The following PLS3 variants were observed in gnomAD, a reference collection of about 807,000 sequenced individuals.
The protein encoded by PLS3 is plastin 3.
A neutral mutation model predicts 46.5 loss-of-function variants in PLS3; 11 were observed. The ratio of observed to expected loss-of-function variants is 0.24; its 90% CI spans 0.15 to 0.39. The LOEUF (loss-of-function observed/expected upper bound fraction) is 0.39. Among genes scored for constraint, PLS3 ranks in the 10% least tolerant of loss-of-function variants. PLS3 has a pLI of 1.00. For synonymous variants in PLS3, 167 were observed against 162.2 expected (o/e 1.03, Z -0.22); for missense variants, 308 against 461.8 (o/e 0.67, Z 3.05).
At chrX:115,588,385 A>G (rs1056428243) in intron 1 of PLS3, among the ~76,000 whole-genome samples, 2 of 112,286 alleles carry the variant, frequency 1.8e-5, no homozygotes, top group Admixed American at 1.9e-4. Flanking sequence ...AGAAGCAGAT[A>G]TGAAAACCCA....
intron 4 of PLS3, among the ~76,000 whole-genome samples, chrX:115,629,620 T>A (rs968624011): frequency 8.9e-6 from 1 of 111,822 alleles, no homozygotes; most frequent in African/African-American, 3.2e-5. Flanking sequence ...GTAACTTTTC[T>A]GAGGACTGGT....
Position 115,610,278 on chromosome X carries a change from T to C in PLS3, c.28T>C (p.Ser10Pro). The change falls in exon 2 of 16, where the codon TCC becomes CCC. Residue 10 changes from serine to proline, a missense_variant. By Grantham distance (74) the Ser-to-Pro change is moderately conservative (BLOSUM62 -1). This residue lies in a region of PLS3 where 37 missense variants were observed against 26.1 expected (regional missense o/e 1.42). Transcript: ENST00000355899. ...GGATGAGATGGCTACCACTCAGATT[T>C]CCAAAGATGAGCTTGATGAACTCAA... MDEMATTQISKDELDELKEA... is the reference protein window; with the variant it reads MDEMATTQIPKDELDELKEA... 8.5e-7 allele frequency: 1 copy of C among 1,175,003 alleles called. No individual in the cohort carries two copies. The highest frequency in any genetic ancestry group is 2.0e-5 in the South Asian group (1 of 51,272).
chrX:115,583,350 G>T (rs2074289893), intron 1 of PLS3, among the ~76,000 whole-genome samples: 1 of 112,625 alleles, frequency 8.9e-6, no homozygotes, highest in Non-Finnish European at 1.9e-5. Context: ...CAATGAAATG[G>T]AATTAATTTG....
chrX:115,610,416 A>G, intron 2 of PLS3, 93 bp downstream of exon 2: 1 of 444,606 alleles, frequency 2.2e-6, no homozygotes, highest in Non-Finnish European at 3.9e-6. Flanking sequence ...GGTTAATCAA[A>G]AACATTAGGG....
chrX:115,625,725 C>T (rs1224061425), intron 3 of PLS3, among the ~76,000 whole-genome samples: 1 of 111,393 alleles, frequency 9.0e-6, no homozygotes, highest in African/African-American at 3.3e-5. Context: ...ACACTGGAAG[C>T]CAGTCAATTC....
At chrX:115,602,340 G>A (rs1020194446) in intron 1 of PLS3, among the ~76,000 whole-genome samples, 1 of 111,661 alleles carries the variant, frequency 9.0e-6, no homozygotes, top group Non-Finnish European at 1.9e-5. Context: ...ATAAATAAGT[G>A]GGTGAGTGTG....
At chrX:115,573,544 G>A (rs1016563396) in intron 1 of PLS3, among the ~76,000 whole-genome samples, 1 of 112,276 alleles carries the variant, frequency 8.9e-6, no homozygotes, top group Non-Finnish European at 1.9e-5. Context: ...GTATGCAGAA[G>A]TCCCCAAAAA....
Position 115,646,544 on chromosome X carries a change from C to T in PLS3, c.1511+9C>T, listed in dbSNP as rs1217936393. 5 of 1,203,285 alleles carry T rather than the reference C, an allele frequency of 4.2e-6. No homozygotes were observed. Among genetic ancestry groups the T allele is most frequent in the African/African-American group, 1.7e-5 (1 of 57,198 alleles). On this transcript the variant is annotated intron_variant, in intron 13 of 15. Transcript: ENST00000355899. The stretch of plus-strand genomic sequence containing the variant: ...TGGCAGCTGATGAGAAGGTATAGTA[C>T]ACAATTTTAGCTGTTTAGTCTTTAC...
intron 1 of PLS3, among the ~76,000 whole-genome samples, chrX:115,603,937 A>G (rs953727917): frequency 8.9e-5 from 10 of 112,201 alleles, no homozygotes; most frequent in Non-Finnish European, 1.7e-4. Context: ...TCTAGTACTC[A>G]TGAAAAAATT....
rs1556633102 is a variant in PLS3 at position 115,591,482 on chromosome X, C to T, written c.-8-18761C>T. Among the ~76,000 whole-genome samples, 7 of 111,646 alleles carry T rather than the reference C, an allele frequency of 6.3e-5. 1 individual carries two copies. Among genetic ancestry groups the T allele is most frequent in the Non-Finnish European group, 1.3e-4 (7 of 53,130 alleles). On this transcript the variant is annotated intron_variant, in intron 1 of 15. Coordinates refer to ENST00000355899, the MANE Select transcript of PLS3 (RefSeq NM_005032.7). Reference sequence around the variant, plus strand: ...AGCTGTCTTCTAAAATGAAGAATTACATATTTAAAACATTAATTTCCTCAA... The same window carrying T: ...AGCTGTCTTCTAAAATGAAGAATTATATATTTAAAACATTAATTTCCTCAA...
At chrX:115,634,819 A>C in intron 6 of PLS3, 62 bp from the exon 7 acceptor site, 1 of 1,023,222 alleles carries the variant, frequency 9.8e-7, no homozygotes, top group Non-Finnish European at 1.3e-6. Flanking sequence ...GTGAAGGGAG[A>C]AAGTAGACTG....
chrX:115,602,252 C>T (rs1424209773), intron 1 of PLS3, among the ~76,000 whole-genome samples: 1 of 111,902 alleles, frequency 8.9e-6, no homozygotes, highest in Non-Finnish European at 1.9e-5. Flanking sequence ...GATTTGGATC[C>T]TAATTGTCTC....
At chrX:115,630,897 T>C (rs1447806978) in intron 5 of PLS3, among the ~76,000 whole-genome samples, 6 of 96,043 alleles carry the variant, frequency 6.2e-5, no homozygotes, top group African/African-American at 1.5e-4. Context: ...GTATAATATA[T>C]GTATATTATA....
intron 7 of PLS3, among the ~76,000 whole-genome samples, chrX:115,636,117 C>A (rs1556640178): frequency 9.0e-6 from 1 of 110,836 alleles, no homozygotes; most frequent in African/African-American, 3.3e-5. Flanking sequence ...TACTTAAATA[C>A]AAATACCACC....
At chrX:115,633,050 T>C in intron 5 of PLS3, among the ~76,000 whole-genome samples, 1 of 110,425 alleles carries the variant, frequency 9.1e-6, no homozygotes, top group Admixed American at 9.7e-5. Flanking sequence ...AGTTTTGTTT[T>C]CAATATCCAA....
chrX:115,600,097 G>C (rs1556634375), intron 1 of PLS3, among the ~76,000 whole-genome samples: 2 of 110,381 alleles, frequency 1.8e-5, no homozygotes, highest in African/African-American at 6.6e-5. Context: ...TGGATATTGG[G>C]AATACTGGGA....
intron 1 of PLS3, among the ~76,000 whole-genome samples, chrX:115,608,933 C>T (rs1156680425): frequency 1.8e-5 from 2 of 109,489 alleles, no homozygotes; most frequent in African/African-American, 6.7e-5. Context: ...CCTAAAACTA[C>T]TCTAATAATA....
At chrX:115,573,740 G>T (rs1179172020) in intron 1 of PLS3, among the ~76,000 whole-genome samples, 1 of 111,300 alleles carries the variant, frequency 9.0e-6, no homozygotes, top group Admixed American at 9.6e-5. Context: ...GTATCGCTCT[G>T]TTGCCCAGAC....
intron 5 of PLS3, among the ~76,000 whole-genome samples, chrX:115,633,164 T>C (rs1292576264): frequency 1.9e-5 from 2 of 103,472 alleles, no homozygotes; most frequent in Non-Finnish European, 4.1e-5. Context: ...TGCACATATT[T>C]TGGTCTTTTT....
Sources: gnomAD v4.1 joint callset for allele counts (sites outside exome capture counted in the v4.1 genomes callset) on GRCh38, gnomAD v4.1.1 for gene constraint, gnomAD v4.1.1 regional missense constraint, MANE v1.5 for transcripts, NCBI Gene and HGNC (gene_info 2026-07-23, HGNC 2026-07-21) for gene names.